CCSER1: variants seen among roughly 807,000 people sequenced by gnomAD.
CCSER1 encodes the protein serine-rich coiled-coil domain-containing protein 1.
CCSER1 carries 41 observed loss-of-function variants against 82.0 expected under a neutral mutation model. That is an observed-to-expected ratio of 0.50 (90% confidence interval 0.39 to 0.65). The LOEUF is 0.65. CCSER1 is among the 30% of genes least tolerant of loss of function. The pLI, the probability that CCSER1 is intolerant of heterozygous loss-of-function variation, is 0.00. For missense variants in CCSER1, 1,119 were observed against 1,064.2 expected (o/e 1.05, Z -0.72); for synonymous variants, 414 against 383.9 (o/e 1.08, Z -0.92).
At chr4:90,743,466 CAT>C (rs1282560823) in intron 7 of CCSER1, among the ~76,000 whole-genome samples, 1 of 152,158 alleles carries the variant, frequency 6.6e-6, no homozygotes, top group African/African-American at 2.4e-5. Flanking sequence ...CTTTTTCTCA[CAT>C]AGTTTATTTT....
intron 9 of CCSER1, among the ~76,000 whole-genome samples, chr4:91,020,458 T>C (rs535997501): frequency 1.6e-4 from 25 of 152,146 alleles, no homozygotes; most frequent in Non-Finnish European, 2.1e-4. Flanking sequence ...GTCAGGAGAT[T>C]GAAACCATCC....
intron 1 of CCSER1, among the ~76,000 whole-genome samples, chr4:90,185,049 A>T (rs910980805): frequency 3.3e-5 from 5 of 152,070 alleles, no homozygotes; most frequent in Non-Finnish European, 4.4e-5. Flanking sequence ...AGCCCATGTG[A>T]GGACAGTATT....
chr4:91,493,464 G>A (rs1758658868), intron 10 of CCSER1, among the ~76,000 whole-genome samples: 1 of 151,458 alleles, frequency 6.6e-6, no homozygotes. Context: ...AAATATGAAA[G>A]TATTCTTTTA....
intron 10 of CCSER1, among the ~76,000 whole-genome samples, chr4:91,369,806 C>T (rs1749903021): frequency 6.6e-6 from 1 of 150,388 alleles, no homozygotes; most frequent in South Asian, 2.1e-4. Context: ...GTAGCTGGGA[C>T]TTTGGGAGCA....
chr4:91,167,787 G>T (rs1252676081), intron 10 of CCSER1, among the ~76,000 whole-genome samples: 1 of 152,172 alleles, frequency 6.6e-6, no homozygotes, highest in Non-Finnish European at 1.5e-5. Context: ...TTTCTACCTT[G>T]CCATGTTTAT....
intron 9 of CCSER1, among the ~76,000 whole-genome samples, chr4:91,055,052 T>G (rs1463706188): frequency 6.6e-6 from 1 of 152,206 alleles, no homozygotes; most frequent in Non-Finnish European, 1.5e-5. Context: ...TTATAGCTTT[T>G]GTGTCCTTCC....
intron 6 of CCSER1, among the ~76,000 whole-genome samples, chr4:90,659,474 T>C (rs1262735413): frequency 6.6e-6 from 1 of 152,058 alleles, no homozygotes; most frequent in Non-Finnish European, 1.5e-5. Flanking sequence ...CCCCCCAAAA[T>C]TGTATTATTA....
intron 10 of CCSER1, among the ~76,000 whole-genome samples, chr4:91,101,364 G>T (rs2148850774): frequency 6.6e-6 from 1 of 152,340 alleles, no homozygotes; most frequent in Non-Finnish European, 1.5e-5. Context: ...GCAGGAATTT[G>T]ACCTGAAAGG....
At chr4:90,232,319 C>T (rs1292910395) in intron 1 of CCSER1, among the ~76,000 whole-genome samples, 1 of 151,068 alleles carries the variant, frequency 6.6e-6, no homozygotes, top group Non-Finnish European at 1.5e-5. Context: ...AATAATGCCG[C>T]ATATCTACAA....
intron 8 of CCSER1, among the ~76,000 whole-genome samples, chr4:90,856,817 T>C (rs1484533951): frequency 3.9e-5 from 6 of 152,264 alleles, no homozygotes; most frequent in South Asian, 4.1e-4. Flanking sequence ...TATTCTGATA[T>C]GTATAAAATG....
At chr4:91,577,332 G>C (rs562636047) in intron 10 of CCSER1, among the ~76,000 whole-genome samples, 2 of 151,874 alleles carry the variant, frequency 1.3e-5, no homozygotes, top group Non-Finnish European at 2.9e-5. Context: ...AAGAAGAAGG[G>C]GAGAGAAGAT....
At chr4:91,512,478 C>T (rs1578661519) in intron 10 of CCSER1, among the ~76,000 whole-genome samples, 1 of 152,138 alleles carries the variant, frequency 6.6e-6, no homozygotes, top group East Asian at 1.9e-4. Context: ...CTGTCGGCTT[C>T]CCTACTTTTG....
intron 9 of CCSER1, among the ~76,000 whole-genome samples, chr4:90,992,587 C>T (rs984588106): frequency 8.6e-5 from 13 of 151,794 alleles, no homozygotes; most frequent in Non-Finnish European, 1.3e-4. Flanking sequence ...TGGTCTTATC[C>T]GAAGCTCAAC....
intron 10 of CCSER1, among the ~76,000 whole-genome samples, chr4:91,559,524 A>G (rs1762557495): frequency 6.6e-6 from 1 of 151,508 alleles, no homozygotes. Context: ...GGGGTTTACT[A>G]ATCCATCTGG....
chr4:90,974,790 C>G lies in CCSER1; in HGVS notation c.2172+51343C>G, dbSNP rs1581241898. Among the ~76,000 whole-genome samples the G allele has an allele frequency of 2.0e-5, 3 of 151,360 alleles. No homozygotes were observed. In the East Asian group the frequency reaches 5.8e-4, roughly 29 times the overall value. ...ATATGATTATATAATAGTATAGTCACTTTAGAAAACAGTAAGATGCTTTCT... is the reference window on the plus strand; with the variant it reads ...ATATGATTATATAATAGTATAGTCAGTTTAGAAAACAGTAAGATGCTTTCT... On this transcript the variant is annotated intron_variant, in intron 9 of 10. Coordinates refer to ENST00000509176, the MANE Select transcript of CCSER1 (RefSeq NM_001145065.2).
chr4:91,332,399 TA>T (rs1747019786), intron 10 of CCSER1, among the ~76,000 whole-genome samples: 1 of 151,946 alleles, frequency 6.6e-6, no homozygotes, highest in Non-Finnish European at 1.5e-5. Context: ...ATATAAATAA[TA>T]AATTAACTTA....
At chr4:90,657,801 A>G (rs751371391) in intron 6 of CCSER1, among the ~76,000 whole-genome samples, 12 of 152,152 alleles carry the variant, frequency 7.9e-5, no homozygotes, top group Non-Finnish European at 1.5e-4. Context: ...TGTTAAGACT[A>G]TGTTATAACT....
intron 3 of CCSER1, among the ~76,000 whole-genome samples, chr4:90,369,765 G>A (rs2153523731): frequency 6.6e-6 from 1 of 151,960 alleles, no homozygotes; most frequent in Middle Eastern, 3.4e-3. Flanking sequence ...TACCCCTCCA[G>A]TTCTAACTTA....
intron 8 of CCSER1, among the ~76,000 whole-genome samples, chr4:90,894,319 T>A (rs528849391): frequency 6.6e-6 from 1 of 152,170 alleles, no homozygotes; most frequent in Non-Finnish European, 1.5e-5. Context: ...CACATTTTTT[T>A]AAACTAAAAC....
Sources: gnomAD v4.1 joint callset for allele counts (sites outside exome capture counted in the v4.1 genomes callset) on GRCh38, gnomAD v4.1.1 for gene constraint, MANE v1.5 for transcripts, NCBI Gene and HGNC (gene_info 2026-07-23, HGNC 2026-07-21) for gene names.